Variants in NDUFV3 observed in about 807,000 individuals in gnomAD.
NDUFV3 encodes NADH:ubiquinone oxidoreductase subunit V3, also known as NADH dehydrogenase [ubiquinone] flavoprotein 3, mitochondrial.
In NDUFV3, 44 loss-of-function variants were observed where a neutral mutation model predicts 37.5. The observed-to-expected ratio is 1.17, with a 90% CI of 0.92 to 1.51. NDUFV3 has a LOEUF of 1.51. Ranked by LOEUF, NDUFV3 falls within the 40% of genes most tolerant of loss-of-function variation. NDUFV3 has a pLI of 0.00. For synonymous variants in NDUFV3, 235 were observed against 239.3 expected (o/e 0.98, Z 0.17); for missense variants, 580 against 580.4 (o/e 1.00, Z 0.01).
chr21:42,907,956 G>A (rs1192379405), intron 3 of NDUFV3, among the ~76,000 whole-genome samples: 1 of 151,864 alleles, frequency 6.6e-6, no homozygotes, highest in African/African-American at 2.4e-5. Flanking sequence ...TGCTATAATT[G>A]TTCTAGGCAT....
Position 42,903,349 on chromosome 21 carries a change from C to G in NDUFV3, c.337C>G (p.Pro113Ala). Reference protein sequence around the residue: ...GSVLFTDEGVPKFLSRKTLVE... With the variant: ...GSVLFTDEGVAKFLSRKTLVE... Reference sequence around the variant, plus strand: ...CGTGCTATTCACAGATGAAGGGGTTCCGAAATTTTTGTCAAGAAAGACTTT... The same window carrying G: ...CGTGCTATTCACAGATGAAGGGGTTGCGAAATTTTTGTCAAGAAAGACTTT... Residue 113 changes from proline to alanine, a missense_variant, in exon 3 of 4, where the codon CCG becomes GCG. Transcript: ENST00000354250. 1 of 1,614,162 alleles carries G rather than the reference C, an allele frequency of 6.2e-7. No individual in the cohort carries two copies.
At position 42,911,594 on chromosome 21, in the gene NDUFV3, A is replaced by G. The variant is rs1432411281; in HGVS notation, c.*2573A>G. ...GTAGCTGGGACTGTAGGCACTGGCCACCATGTCCGCCTAATTTTTCTATTT... is the reference window on the plus strand; with the variant it reads ...GTAGCTGGGACTGTAGGCACTGGCCGCCATGTCCGCCTAATTTTTCTATTT... On this transcript the variant is annotated 3_prime_UTR_variant, in exon 4 of 4. Coordinates refer to ENST00000354250, the MANE Select transcript of NDUFV3 (RefSeq NM_021075.4). 2.0e-5 allele frequency: 3 copies of G among 151,872 alleles called. No homozygotes were observed. Among genetic ancestry groups the G allele is most frequent in the Admixed American group, 1.3e-4 (2 of 15,216 alleles). 9.4% of individuals were successfully genotyped at this position (151,872 alleles called of 1,614,324 possible).
At chr21:42,896,877 A>T (rs759145572) in intron 1 of NDUFV3, 50 bp from the exon 2 acceptor site, 2 of 1,566,202 alleles carry the variant, frequency 1.3e-6, no homozygotes, top group East Asian at 4.5e-5. Flanking sequence ...AGTACCAGCT[A>T]TTATAATGGC....
In NDUFV3 at chr21:42,903,445, G is replaced by T; in HGVS notation, c.433G>T (p.Gly145Cys). Residue 145 changes from glycine (G) to cysteine (C), a missense_variant, in exon 3 of 4, where the codon GGT becomes TGT. Transcript: ENST00000354250. ...QGSDSEARQV[G>C]RKVTSPSSSS... Reference sequence around the variant, plus strand: ...CTCTGATTCAGAAGCTCGTCAGGTGGGTCGGAAAGTGACGTCGCCTTCGTC... The same window carrying T: ...CTCTGATTCAGAAGCTCGTCAGGTGTGTCGGAAAGTGACGTCGCCTTCGTC... 6.2e-7 allele frequency: 1 copy of T among 1,614,068 alleles called. No homozygotes were observed. The highest frequency in any genetic ancestry group is 8.5e-7 in the Non-Finnish European group (1 of 1,179,938).
intron 1 of NDUFV3, among the ~76,000 whole-genome samples, chr21:42,894,479 ATTT>A (rs2058680132): frequency 1.6e-5 from 1 of 64,286 alleles, no homozygotes; most frequent in African/African-American, 9.0e-5. Context: ...TATATTATAT[ATTT>A]ATATATTTAT....
chr21:42,901,849 G>T (rs561449377), intron 2 of NDUFV3, among the ~76,000 whole-genome samples: 8 of 152,344 alleles, frequency 5.3e-5, no homozygotes, highest in Admixed American at 3.3e-4. Flanking sequence ...CATTCTGGCA[G>T]TGCGGTTTAT....
chr21:42,894,429 A>T lies in NDUFV3; in HGVS notation c.48+1048A>T, dbSNP rs868276550. Reference sequence around the variant, plus strand: ...ATATAATATATAATATATTATATAAATATATATTATATAATATATATAATA... The same window carrying T: ...ATATAATATATAATATATTATATAATTATATATTATATAATATATATAATA... On this transcript the variant is annotated intron_variant, in intron 1 of 3. Coordinates refer to ENST00000354250, the MANE Select transcript of NDUFV3 (RefSeq NM_021075.4). Among the ~76,000 whole-genome samples, 11 of 53,384 alleles carry T rather than the reference A, an allele frequency of 2.1e-4. 1 individual carries two copies. Among genetic ancestry groups the T allele is most frequent in the Admixed American group, 4.9e-4 (2 of 4,116 alleles). 35.0% of individuals were successfully genotyped at this position (53,384 alleles called of 152,430 possible). A position where few individuals can be genotyped will look rare whatever the true frequency, so the allele number is the denominator to read the frequency against.
Position 42,904,053 on chromosome 21 carries a change from T to C in NDUFV3, c.1041T>C (p.Pro347=). 7 of 1,614,000 alleles carry C rather than the reference T, an allele frequency of 4.3e-6. No individual in the cohort carries two copies. Among genetic ancestry groups the C allele is most frequent in the Non-Finnish European group, 5.9e-6 (7 of 1,179,994 alleles). Residue 347 remains proline (P), a synonymous_variant, in exon 3 of 4, where the codon CCT becomes CCC. Coordinates refer to ENST00000354250, the MANE Select transcript of NDUFV3 (RefSeq NM_021075.4). ...CAGAGCCCCAGCGCAAGGCGGCCCC[T>C]CCCCTGCCCAGAAAGGAAACCTCAG... The part of the protein sequence containing the change: ...PVPEPQRKAA[P]PLPRKETSGT...
At chr21:42,893,936 C>T (rs963014404) in intron 1 of NDUFV3, among the ~76,000 whole-genome samples, 2 of 152,172 alleles carry the variant, frequency 1.3e-5, no homozygotes, top group African/African-American at 2.4e-5. Context: ...AGGCCGGGCG[C>T]GGACACTTTG....
rs2058695542 is a variant in NDUFV3, at chr21:42,897,065, G to A, written c.169+18G>A. ...ACCAAAAAGTAAGATTTTGATGGTA[G>A]TCATAAGGGAAAGAGAATGCAAAAA... On this transcript the variant is annotated intron_variant, in intron 2 of 3. Transcript: ENST00000354250. The A allele has an allele frequency of 4.3e-6, 7 of 1,613,156 alleles. No homozygotes were observed. Among genetic ancestry groups the A allele is most frequent in the Non-Finnish European group, 5.9e-6 (7 of 1,179,474 alleles).
chr21:42,895,865 C>T (rs1023813674), intron 1 of NDUFV3, among the ~76,000 whole-genome samples: 2 of 151,952 alleles, frequency 1.3e-5, no homozygotes, highest in Admixed American at 6.6e-5. Context: ...ATTATGAAAA[C>T]TGTAATAACC....
chr21:42,897,159 C>G (rs550254295), intron 2 of NDUFV3, 112 bp downstream of exon 2: 413 of 1,253,646 alleles, frequency 3.3e-4, no homozygotes, highest in Non-Finnish European at 4.4e-4. Flanking sequence ...ATGCTTCTTC[C>G]TTTTCAGCAG....
intron 2 of NDUFV3, among the ~76,000 whole-genome samples, chr21:42,899,751 G>A (rs529382529): frequency 3.7e-4 from 56 of 151,898 alleles, no homozygotes; most frequent in Admixed American, 3.2e-3. Flanking sequence ...CCAATTTTTT[G>A]TATTTTTTAG....
At chr21:42,906,823 T>G (rs767437930) in intron 3 of NDUFV3, 1 of 516,472 alleles carries the variant, frequency 1.9e-6, no homozygotes, top group Non-Finnish European at 3.9e-6. Flanking sequence ...ACTAAAATAG[T>G]ACGTTCTGCT....
At chr21:42,908,793 G>A (rs2058753697) in intron 3 of NDUFV3, 71 bp from the exon 4 acceptor site, 3 of 1,573,472 alleles carry the variant, frequency 1.9e-6, no homozygotes, top group South Asian at 1.1e-5. Context: ...GTAAGCGCCT[G>A]TGTGTGAGCC....
intron 2 of NDUFV3, among the ~76,000 whole-genome samples, chr21:42,897,898 G>C (rs1363100865): frequency 6.7e-6 from 1 of 148,740 alleles, no homozygotes; most frequent in Non-Finnish European, 1.5e-5. Flanking sequence ...GGATGGTCTT[G>C]ATCTCCTGAC....
chr21:42,906,945 C>T, intron 3 of NDUFV3: 1 of 500,884 alleles, frequency 2.0e-6, no homozygotes, highest in South Asian at 1.5e-5. Context: ...AAATGAAAAA[C>T]AGAGCTTTTG....
chr21:42,894,351 A>T (rs1236549471), intron 1 of NDUFV3, among the ~76,000 whole-genome samples: 1 of 37,456 alleles, frequency 2.7e-5, no homozygotes, highest in Non-Finnish European at 4.2e-5. Context: ...TATTATATAT[A>T]AATATATATT....
chr21:42,893,385 A>G lies in NDUFV3; in HGVS notation c.48+4A>G, dbSNP rs1601208549. ...AGGACGAGCCGGGGCGCTGAAGGTA[A>G]AGGAGGAGCCAGCCTGGGCTGGCTG... On this transcript the variant is annotated splice_donor_region_variant and intron_variant, in intron 1 of 3. Coordinates refer to ENST00000354250, the MANE Select transcript of NDUFV3 (RefSeq NM_021075.4). 5 of 1,536,968 alleles carry G rather than the reference A, an allele frequency of 3.3e-6. No individual in the cohort carries two copies. Among genetic ancestry groups the G allele is most frequent in the Non-Finnish European group, 2.6e-6 (3 of 1,146,294 alleles).
Sources: allele counts gnomAD v4.1 joint callset (sites outside exome capture counted in the v4.1 genomes callset), GRCh38; gene constraint gnomAD v4.1.1; transcripts MANE v1.5; gene names NCBI Gene and HGNC (gene_info 2026-07-23, HGNC 2026-07-21).